TRIM14: variants seen among roughly 807,000 people sequenced by gnomAD.
TRIM14 encodes tripartite motif-containing protein 14.
TRIM14 carries 28 observed loss-of-function variants against 44.5 expected under a neutral mutation model. The ratio of observed to expected loss-of-function variants is 0.63; its 90% CI spans 0.47 to 0.86. The LOEUF (loss-of-function observed/expected upper bound fraction) is 0.86, where lower values mean the gene tolerates loss of function less well. Among genes scored for constraint, TRIM14 ranks in the 40% least tolerant of loss-of-function variants. The pLI is 0.00. For synonymous variants in TRIM14, 299 were observed against 269.2 expected, an observed-to-expected ratio of 1.11 and a Z score of -1.08; for missense variants, 607 against 611.1, an observed-to-expected ratio of 0.99 and a Z score of 0.07.
downstream of TRIM14, chr9:98,081,107 G>C (rs370620250): frequency 6.2e-7 from 1 of 1,612,642 alleles, no homozygotes; most frequent in African/African-American, 1.3e-5. Context: ...ACTCTACTCG[G>C]TTCTGCTGCC....
intron 1 of TRIM14, among the ~76,000 whole-genome samples, chr9:98,114,055 G>C (rs780936578): frequency 2.0e-5 from 3 of 152,192 alleles, no homozygotes; most frequent in Non-Finnish European, 4.4e-5. Flanking sequence ...GTCCAAAAGA[G>C]ACACATTAGG....
the TRIM14 span, among the ~76,000 whole-genome samples, chr9:98,047,271 A>G: frequency 6.6e-6 from 1 of 152,102 alleles, no homozygotes; most frequent in Non-Finnish European, 1.5e-5. Flanking sequence ...GCCTTTCACC[A>G]TAACTGTGAG....
chr9:98,111,288 A>C lies in TRIM14; in HGVS notation c.208-1304T>G, dbSNP rs1434946344. On this transcript the variant is annotated intron_variant, in intron 1 of 5. Coordinates refer to ENST00000341469, the MANE Select transcript of TRIM14 (RefSeq NM_014788.4). ...GTGTCAACCTTACGTAATGAAATTCAAGAGCTGAGCATGGTGGCTTGCACC... is the reference window on the plus strand; with the variant it reads ...GTGTCAACCTTACGTAATGAAATTCCAGAGCTGAGCATGGTGGCTTGCACC... Among the ~76,000 whole-genome samples the C allele has an allele frequency of 6.6e-5, 10 of 152,118 alleles. No homozygotes were observed. In the South Asian group the frequency reaches 2.1e-3, roughly 31 times the overall value.
chr9:98,046,471 C>T, the TRIM14 span, among the ~76,000 whole-genome samples: 12 of 151,008 alleles, frequency 7.9e-5, no homozygotes, highest in Admixed American at 2.0e-4. Context: ...GATGGAGTTT[C>T]GTTCTTGTTG....
intron 1 of TRIM14, among the ~76,000 whole-genome samples, chr9:98,118,554 A>C (rs1827133699): frequency 6.6e-6 from 1 of 152,166 alleles, no homozygotes; most frequent in African/African-American, 2.4e-5. Context: ...TGTGGACTGC[A>C]GATTAAGTAA....
At chr9:98,078,905 A>C (rs559925345) in intron 6 of TRIM14, among the ~76,000 whole-genome samples, 1 of 151,600 alleles carries the variant, frequency 6.6e-6, no homozygotes, top group African/African-American at 2.4e-5. Flanking sequence ...GGCTATTGTG[A>C]ATGATGCTGC....
chr9:98,118,897 G>C (rs1270598051), intron 1 of TRIM14, 85 bp downstream of exon 1: 1 of 1,371,380 alleles, frequency 7.3e-7, no homozygotes, highest in Non-Finnish European at 9.5e-7. Flanking sequence ...ACTGGCCACG[G>C]CCAGGCACGC....
intron 5 of TRIM14, among the ~76,000 whole-genome samples, chr9:98,089,881 C>T (rs1388656289): frequency 6.6e-6 from 1 of 152,228 alleles, no homozygotes; most frequent in Non-Finnish European, 1.5e-5. Flanking sequence ...GAGCCTGTAC[C>T]TCTTCCCCTA....
downstream of TRIM14, among the ~76,000 whole-genome samples, chr9:98,079,745 T>G (rs984089739): frequency 7.9e-5 from 12 of 152,324 alleles, no homozygotes; most frequent in African/African-American, 2.2e-4. Flanking sequence ...TGCTGTCATG[T>G]CCTCTCTCTT....
At chr9:98,080,825 A>C (rs1310647015), downstream of TRIM14, 16 of 1,578,550 alleles carry the variant, frequency 1.0e-5, no homozygotes, top group South Asian at 1.1e-5. Flanking sequence ...GGAATATCAG[A>C]AGCTCTTTCC....
At chr9:98,040,664 C>CTTT in the TRIM14 span, among the ~76,000 whole-genome samples, 460 of 146,604 alleles carry the variant, frequency 3.1e-3, 5 homozygotes, top group South Asian at 1.0e-2. Flanking sequence ...ATTTTCTTTT[C>CTTT]TTTTTTTTTT....
intron 5 of TRIM14, among the ~76,000 whole-genome samples, chr9:98,088,998 T>C (rs1265556688): frequency 2.0e-5 from 3 of 152,210 alleles, no homozygotes; most frequent in African/African-American, 7.2e-5. Flanking sequence ...CCAAACAGTT[T>C]TCCATGGACA....
chr9:98,059,528 C>T, the TRIM14 span, among the ~76,000 whole-genome samples: 2 of 152,068 alleles, frequency 1.3e-5, no homozygotes, highest in Admixed American at 6.6e-5. Flanking sequence ...GATCCTCCCC[C>T]CTCAGCCTCC....
At chr9:98,061,118 T>A in the TRIM14 span, 1 of 942,022 alleles carries the variant, frequency 1.1e-6, no homozygotes, top group Non-Finnish European at 1.6e-6. Flanking sequence ...TCCCAGCTAC[T>A]GGAGAGGCTA....
chr9:98,037,305 G>A, the TRIM14 span, among the ~76,000 whole-genome samples: 280 of 152,328 alleles, frequency 1.8e-3, 1 homozygote, highest in African/African-American at 6.6e-3. Context: ...TCAAACCCAG[G>A]AGGTGGAGGT....
the TRIM14 span, among the ~76,000 whole-genome samples, chr9:98,037,015 A>G: frequency 1.3e-5 from 2 of 152,246 alleles, no homozygotes; most frequent in South Asian, 4.1e-4. Context: ...ATGGTTCCTT[A>G]ACTGAAGGCG....
chr9:98,061,138 A>G, the TRIM14 span: 1 of 746,208 alleles, frequency 1.3e-6, no homozygotes, highest in Non-Finnish European at 2.2e-6. Flanking sequence ...AGCAGGCGCC[A>G]AAGCCCAGTG....
At chr9:98,098,478 G>A (rs979515691) in intron 3 of TRIM14, among the ~76,000 whole-genome samples, 4 of 152,050 alleles carry the variant, frequency 2.6e-5, no homozygotes, top group Non-Finnish European at 4.4e-5. Context: ...TTGAGGGGCC[G>A]AGGGGGGCGG....
intron 6 of TRIM14, chr9:98,078,032 C>A: frequency 9.6e-7 from 1 of 1,042,852 alleles, no homozygotes; most frequent in Non-Finnish European, 1.4e-6. Context: ...AGGGCAGGAA[C>A]CCAACAAGCT....
Sources: gnomAD v4.1 joint callset for allele counts (sites outside exome capture counted in the v4.1 genomes callset) on GRCh38, gnomAD v4.1.1 for gene constraint, MANE v1.5 for transcripts, NCBI Gene and HGNC (gene_info 2026-07-23, HGNC 2026-07-21) for gene names.